The following PAQR5 variants were observed in gnomAD, a reference collection of about 807,000 sequenced individuals.
PAQR5 encodes progestin and adipoQ receptor family member 5, also known as membrane progestin receptor gamma.
A neutral mutation model predicts 34.5 loss-of-function variants in PAQR5; 20 were observed. The ratio of observed to expected loss-of-function variants is 0.58; its 90% CI spans 0.41 to 0.84. PAQR5 has a LOEUF of 0.84. Ranked by LOEUF, PAQR5 falls within the 40% of genes least tolerant of loss-of-function variation. The probability of loss-of-function intolerance (pLI) is 0.00; values close to 1 mark genes in which losing one functional copy is unlikely to be tolerated. For synonymous variants in PAQR5, 131 were observed against 155.6 expected, an observed-to-expected ratio of 0.84 and a Z score of 1.18; for missense variants, 378 against 412.7, an observed-to-expected ratio of 0.92 and a Z score of 0.73.
At chr15:69,319,222 C>A (rs2054038302) in intron 1 of PAQR5, among the ~76,000 whole-genome samples, 1 of 143,942 alleles carries the variant, frequency 6.9e-6, no homozygotes, top group Admixed American at 7.0e-5. Flanking sequence ...TGAATGTGGT[C>A]TCTCCCTCTC....
At chr15:69,403,534 C>T (rs1018223584) in intron 8 of PAQR5, 47 bp from the exon 9 acceptor site, 2 of 1,596,122 alleles carry the variant, frequency 1.3e-6, no homozygotes, top group Non-Finnish European at 1.7e-6. Context: ...TATCAGTACT[C>T]ATTCCTTTTC....
chr15:69,389,158 C>A (rs1259607425), intron 5 of PAQR5, among the ~76,000 whole-genome samples: 1 of 152,194 alleles, frequency 6.6e-6, no homozygotes, highest in Non-Finnish European at 1.5e-5. Flanking sequence ...CTACCAGGAG[C>A]ACCCATGTCC....
In PAQR5 at chr15:69,395,089, C is replaced by G. The variant is rs1473650038; in HGVS notation, c.513-2379C>G. 4.6e-5 allele frequency among the ~76,000 whole-genome samples: 7 copies of G among 152,216 alleles called. No homozygotes were observed. The East Asian group carries it at 5.8e-4, about 13-fold the overall frequency. On this transcript the variant is annotated intron_variant, in intron 6 of 8. Transcript: ENST00000395407. ...AGTGGCCACAGGGGCCCTTTAAGAG[C>G]GAGCCTCTCAACCTGGAGACGGCAG... is the stretch of plus-strand genomic sequence containing the variant.
intron 3 of PAQR5, chr15:69,379,616 C>A (rs1227819915): frequency 1.0e-6 from 1 of 981,954 alleles, no homozygotes. Flanking sequence ...AGAGTAAGTA[C>A]GCCGGGGAAT....
At chr15:69,400,159 A>T (rs200253518) in intron 8 of PAQR5, 44 bp downstream of exon 8, 52 of 1,582,244 alleles carry the variant, frequency 3.3e-5, no homozygotes, top group Non-Finnish European at 4.2e-5. Context: ...TGCCCTCCTG[A>T]CTGGGGAGGG....
chr15:69,330,378 G>T (rs2054351256), intron 1 of PAQR5, among the ~76,000 whole-genome samples: 1 of 152,208 alleles, frequency 6.6e-6, no homozygotes, highest in Non-Finnish European at 1.5e-5. Flanking sequence ...TTTCCCAAAG[G>T]AGACCTCCTT....
In PAQR5 at chr15:69,406,703, T is replaced by C. The variant is rs1036875193; in HGVS notation, c.*2881T>C. ...GGGCAACAGAGCCAGACACTGTCTC[T>C]ATAAAAAAAAGTTAAAACTAGCTGG... On this transcript the variant is annotated 3_prime_UTR_variant, in exon 9 of 9. Coordinates refer to ENST00000395407, the MANE Select transcript of PAQR5 (RefSeq NM_017705.4). The C allele has an allele frequency of 6.6e-6, 1 of 152,070 alleles. No homozygotes were observed. The highest frequency in any genetic ancestry group is 1.5e-5 in the Non-Finnish European group (1 of 68,032). 9.4% of individuals were successfully genotyped at this position (152,070 alleles called of 1,614,324 possible).
At chr15:69,363,592 GC>G (rs2055305446) in intron 3 of PAQR5, among the ~76,000 whole-genome samples, 1 of 126,002 alleles carries the variant, frequency 7.9e-6, no homozygotes, top group African/African-American at 2.9e-5. Flanking sequence ...TGTCACCCAG[GC>G]TGGAGTGCAG....
At chr15:69,341,105 T>C (rs1022262029) in intron 2 of PAQR5, among the ~76,000 whole-genome samples, 1 of 151,332 alleles carries the variant, frequency 6.6e-6, no homozygotes, top group African/African-American at 2.4e-5. Context: ...ATGACCACCA[T>C]CCATCTCCAC....
chr15:69,389,915 G>A, intron 6 of PAQR5, 135 bp downstream of exon 6: 1 of 1,010,632 alleles, frequency 9.9e-7, no homozygotes, highest in African/African-American at 1.6e-5. Context: ...CGTTCCAGGT[G>A]GACTTCCTAT....
At chr15:69,332,633 TC>T (rs1347392724) in intron 1 of PAQR5, among the ~76,000 whole-genome samples, 1 of 152,022 alleles carries the variant, frequency 6.6e-6, no homozygotes, top group African/African-American at 2.4e-5. Context: ...CTGGAATGAT[TC>T]CTTTCTGAGT....
intron 8 of PAQR5, among the ~76,000 whole-genome samples, chr15:69,402,736 T>G (rs1012843205): frequency 2.0e-5 from 3 of 152,230 alleles, no homozygotes; most frequent in Non-Finnish European, 2.9e-5. Flanking sequence ...TTCTGGGGCT[T>G]AAGACTTCAG....
intron 6 of PAQR5, among the ~76,000 whole-genome samples, chr15:69,390,451 C>T (rs1595932845): frequency 6.6e-6 from 1 of 151,220 alleles, no homozygotes; most frequent in East Asian, 1.9e-4. Context: ...CTGGGCTCGT[C>T]TGCTGCATTC....
At position 69,404,208 on chromosome 15, in the gene PAQR5, C is replaced by T. The variant is rs780265384; in HGVS notation, c.*386C>T. ...ATTTGATGAATTTCATGTCACAAAG[C>T]TTCTCTCAAGAGCTCTCGTAGTGGC... On this transcript the variant is annotated 3_prime_UTR_variant, in exon 9 of 9. Transcript: ENST00000395407. 11 of 195,646 alleles carry T rather than the reference C, an allele frequency of 5.6e-5. No homozygotes were observed. Among genetic ancestry groups the T allele is most frequent in the Admixed American group, 1.2e-4 (2 of 17,334 alleles). 12.1% of individuals were successfully genotyped at this position (195,646 alleles called of 1,614,324 possible).
At chr15:69,354,338 A>G (rs1210306343) in intron 2 of PAQR5, among the ~76,000 whole-genome samples, 1 of 152,226 alleles carries the variant, frequency 6.6e-6, no homozygotes, top group Non-Finnish European at 1.5e-5. Flanking sequence ...TTGCATGTAT[A>G]TATACATATA....
chr15:69,347,903 A>G (rs2054816728), intron 2 of PAQR5, among the ~76,000 whole-genome samples: 2 of 152,242 alleles, frequency 1.3e-5, no homozygotes, highest in Admixed American at 1.3e-4. Flanking sequence ...TTGGGAATTA[A>G]GCTTCAACAT....
intron 2 of PAQR5, among the ~76,000 whole-genome samples, chr15:69,353,950 G>A (rs1298962497): frequency 1.3e-5 from 2 of 152,174 alleles, no homozygotes; most frequent in Non-Finnish European, 2.9e-5. Context: ...TTTGGGCTGG[G>A]ATGACTGATG....
At chr15:69,340,637 T>C (rs932146544) in intron 2 of PAQR5, among the ~76,000 whole-genome samples, 2 of 152,182 alleles carry the variant, frequency 1.3e-5, no homozygotes, top group Non-Finnish European at 2.9e-5. Flanking sequence ...TTTCTTCCCA[T>C]GGTGGATTCA....
rs1391398582 is a variant in PAQR5 at position 69,384,854 on chromosome 15, C to T, written c.357C>T (p.Asp119=). The stretch of plus-strand genomic sequence containing the variant: ...CCCGGCACATTTGCTACTTCCTGGA[C>T]TATGGTGCCGTCAACCTCTTCAGCC... ...KNARHICYFL[D]YGAVNLFSLG... Residue 119 remains aspartate (D), a synonymous_variant, in exon 5 of 9, where the codon GAC becomes GAT. Transcript: ENST00000395407. 1.2e-6 allele frequency: 2 copies of T among 1,614,048 alleles called. No homozygotes were observed.
Sources: allele counts gnomAD v4.1 joint callset (sites outside exome capture counted in the v4.1 genomes callset), GRCh38; gene constraint gnomAD v4.1.1; transcripts MANE v1.5; gene names NCBI Gene and HGNC (gene_info 2026-07-23, HGNC 2026-07-21).